The following CTSF variants were observed in gnomAD, a reference collection of about 807,000 sequenced individuals.
The protein encoded by CTSF is cathepsin F.
CTSF carries 65 observed loss-of-function variants against 63.5 expected under a neutral mutation model. The ratio of observed to expected loss-of-function variants is 1.02; its 90% CI spans 0.84 to 1.26. The LOEUF is 1.26. Ranked by LOEUF, CTSF falls within the 50% of genes most tolerant of loss-of-function variation. CTSF has a pLI of 0.00. For missense variants in CTSF, 641 were observed against 631.0 expected (o/e 1.02, Z -0.17); for synonymous variants, 256 against 258.1 (o/e 0.99, Z 0.08).
chr11:66,568,231 C>T (rs1157947734), intron 1 of CTSF, 43 bp downstream of exon 1: 4 of 1,521,990 alleles, frequency 2.6e-6, no homozygotes, highest in Non-Finnish European at 3.5e-6. Flanking sequence ...GCTCCTATCC[C>T]TTGGACCCGG....
intron 9 of CTSF, 38 bp from the exon 10 acceptor site, chr11:66,564,844 C>A (rs199885470): frequency 8.7e-5 from 140 of 1,614,098 alleles, no homozygotes; most frequent in Non-Finnish European, 1.4e-5. Flanking sequence ...GGCACCCAGG[C>A]CCCGGCCCCA....
At chr11:66,565,577 ACT>A in intron 8 of CTSF, 92 bp downstream of exon 8, 1 of 1,540,596 alleles carries the variant, frequency 6.5e-7, no homozygotes, top group South Asian at 1.1e-5. Flanking sequence ...GTTCTGTGTA[ACT>A]CTCATGCTCA....
chr11:66,566,497 G>C (rs552764173), intron 4 of CTSF, 93 bp from the exon 5 acceptor site: 15 of 1,178,214 alleles, frequency 1.3e-5, no homozygotes, highest in Admixed American at 4.0e-5. Flanking sequence ...TCCCCGGGGA[G>C]CAGGTAGGGG....
At position 66,563,579 on chromosome 11, in the gene CTSF, C is replaced by T. The variant is rs1857854637; in HGVS notation, c.*354G>A. ...GAACCAGAAAATTTATAGTATCAAA[C>T]AGAGGAAAGCGGGGGCAGAACAGAG... On this transcript the variant is annotated 3_prime_UTR_variant, in exon 13 of 13. Coordinates refer to ENST00000310325, the MANE Select transcript of CTSF (RefSeq NM_003793.4). 2 of 484,866 alleles carry T rather than the reference C, an allele frequency of 4.1e-6. No individual in the cohort carries two copies. Among genetic ancestry groups the T allele is most frequent in the Admixed American group, 3.4e-5 (1 of 29,674 alleles). The allele number at this position is 484,866 out of a possible 1,614,324, so 30.0% of individuals were successfully genotyped here.
rs1470665956 is a variant in CTSF, at chr11:66,563,939, C to G, written c.1449G>C (p.Val483=). 6.2e-7 allele frequency: 1 copy of G among 1,612,560 alleles called. No individual in the cohort carries two copies. Among genetic ancestry groups the G allele is most frequent in the Admixed American group, 1.7e-5 (1 of 59,998 alleles). The part of the protein sequence containing the change: ...GVNTMASSAV[V]D ...CCGAGCTGGGGGCCCCTCTTCAGTC[C>G]ACCACCGCCGAGCTGGCCATGGTGT... The change falls in exon 13 of 13, where the codon GTG becomes GTC. Residue 483 remains valine (V), a synonymous_variant. Coordinates refer to ENST00000310325, the MANE Select transcript of CTSF (RefSeq NM_003793.4).
At chr11:66,567,927 C>A in intron 2 of CTSF, 57 bp downstream of exon 2, 1 of 1,535,998 alleles carries the variant, frequency 6.5e-7, no homozygotes, top group Admixed American at 2.1e-5. Flanking sequence ...CCGTCATCAT[C>A]CAACTGCTGC....
chr11:66,564,216 C>A, intron 11 of CTSF, 70 bp from the exon 12 acceptor site: 2 of 1,535,142 alleles, frequency 1.3e-6, no homozygotes, highest in Non-Finnish European at 1.8e-6. Flanking sequence ...TCACTTTGCA[C>A]CCTTCAAATA....
chr11:66,564,078 C>A lies in CTSF; in HGVS notation c.1380+10G>T. ...GCTGGAGGGCCAGGGGCCAAGCCAG[C>A]AAGACTCACCTTCTCACCCCAGTCA... On this transcript the variant is annotated intron_variant, in intron 12 of 12. Transcript: ENST00000310325. 2 of 1,613,702 alleles carry A rather than the reference C, an allele frequency of 1.2e-6. No homozygotes were observed. The highest frequency in any genetic ancestry group is 8.5e-7 in the Non-Finnish European group (1 of 1,179,914).
intron 2 of CTSF, 129 bp downstream of exon 2, chr11:66,567,855 G>A: frequency 7.1e-7 from 1 of 1,400,302 alleles, no homozygotes; most frequent in Non-Finnish European, 9.6e-7. Flanking sequence ...CAGCCCTCGG[G>A]GCCTGGGAAG....
rs11550508 is a variant in CTSF, at chr11:66,567,517, T to C, written c.458A>G (p.Gln153Arg). 858 of 1,614,184 alleles carry C rather than the reference T, an allele frequency of 5.3e-4. 4 individuals carry two copies. In the African/African-American group the frequency reaches 0.011, roughly 20 times the overall value. ...QGSAMISSLS[Q>R]NHPDNRNETF... ...CTCGTTTCTGTTGTCTGGATGGTTTTGGGACAGAGAAGAAATCATGGCTGA... is the reference window on the plus strand; with the variant it reads ...CTCGTTTCTGTTGTCTGGATGGTTTCGGGACAGAGAAGAAATCATGGCTGA... Residue 153 changes from glutamine (Q) to arginine (R), a missense_variant, in exon 3 of 13, where the codon CAA becomes CGA. By Grantham distance (43) the Gln-to-Arg change is conservative. Transcript: ENST00000310325.
chr11:66,565,016 G>A lies in CTSF; in HGVS notation c.1046-10C>T, dbSNP rs774488937. The A allele has an allele frequency of 8.5e-5, 131 of 1,547,530 alleles. No homozygotes were observed. Among genetic ancestry groups the A allele is most frequent in the East Asian group, 4.1e-4 (18 of 44,176 alleles). ...TCTGTCTCCAGCCCTCCTGGGGAAC[G>A]GTGGGGGTGAGTAGAGAAGGGCAGG... On this transcript the variant is annotated splice_polypyrimidine_tract_variant and intron_variant, in intron 8 of 12. Transcript: ENST00000310325.
Position 66,566,092 on chromosome 11 carries a change from G to A in CTSF, c.797C>T (p.Ser266Phe). Residue 266 changes from serine to phenylalanine, a missense_variant, in exon 6 of 13, where the codon TCT becomes TTT. By Grantham distance (155) the Ser-to-Phe change is radical. Coordinates refer to ENST00000310325, the MANE Select transcript of CTSF (RefSeq NM_003793.4). ...TTCAGGTGGGGCGAGGTCACCCACA[G>A]ACTTGGCTTGCTTCATCTTGTTGCC... ...EPGNKMKQAK[S>F]VGDLAPPEWD... is the part of the protein sequence containing the mutation. 6.2e-7 allele frequency: 1 copy of A among 1,614,178 alleles called. No homozygotes were observed. The highest frequency in any genetic ancestry group is 2.2e-5 in the East Asian group (1 of 44,884).
In CTSF at chr11:66,565,837, C is replaced by G. The variant is rs755755081; in HGVS notation, c.958G>C (p.Glu320Gln). The G allele has an allele frequency of 6.2e-7, 1 of 1,613,972 alleles. No individual in the cohort carries two copies. Among genetic ancestry groups the G allele is most frequent in the South Asian group, 1.1e-5 (1 of 91,086 alleles). The change falls in exon 7 of 13, where the codon GAA becomes CAA. Residue 320 changes from glutamate to glutamine, a missense_variant. Transcript: ENST00000310325. Reference sequence around the variant, plus strand: ...AGTAGAGCGAGATGCTCACCCTGTTCAGAGAGGGAGAGCAGGGTCCCCTGG... The same window carrying G: ...AGTAGAGCGAGATGCTCACCCTGTTGAGAGAGGGAGAGCAGGGTCCCCTGG... The part of the protein sequence containing the change: ...LNQGTLLSLS[E>Q]QELLDCDKMD...
intron 8 of CTSF, 38 bp from the exon 9 acceptor site, chr11:66,565,044 C>T: frequency 6.6e-7 from 1 of 1,519,684 alleles, no homozygotes; most frequent in Non-Finnish European, 8.8e-7. Flanking sequence ...AGGGCAGGCT[C>T]CCATTTGCCA....
At position 66,567,286 on chromosome 11, in the gene CTSF, G is replaced by C. The variant is rs142743244; in HGVS notation, c.567C>G (p.Asn189Lys). ...ATGTCCGGTTATAGGTAATGACAAA[G>C]TTCTTGAAGATTGAAGCCATCTTCA... ...LPVKMASIFK[N>K]FVITYNRTYE... The change falls in exon 4 of 13, where the codon AAC (asparagine) becomes AAG (lysine). Residue 189 changes from asparagine to lysine, a missense_variant. By Grantham distance (94) the Asn-to-Lys change is moderately conservative. Transcript: ENST00000310325. 1 of 1,614,204 alleles carries C rather than the reference G, an allele frequency of 6.2e-7. No individual in the cohort carries two copies. The highest frequency in any genetic ancestry group is 1.1e-5 in the South Asian group (1 of 91,090).
In CTSF at chr11:66,566,406, T is replaced by A; in HGVS notation, c.608-2A>T. The A allele has an allele frequency of 6.2e-7, 1 of 1,613,754 alleles. No homozygotes were observed. The highest frequency in any genetic ancestry group is 8.5e-7 in the Non-Finnish European group (1 of 1,179,922). On this transcript the variant is annotated splice_acceptor_variant, in intron 4 of 12. Coordinates refer to ENST00000310325, the MANE Select transcript of CTSF (RefSeq NM_003793.4). LOFTEE classifies it high-confidence loss of function. Reference sequence around the variant, plus strand: ...AGACGGACAGGCGCCACCGGGCTTCTGAGGACCAAGGAGCAGAAGAGGAGG... The same window carrying A: ...AGACGGACAGGCGCCACCGGGCTTCAGAGGACCAAGGAGCAGAAGAGGAGG...
At position 66,564,877 on chromosome 11, in the gene CTSF, CCT is replaced by C. The variant is rs775310814; in HGVS notation, c.1165+8_1165+9del. 26 of 1,613,430 alleles carry C rather than the reference CCT, an allele frequency of 1.6e-5. No individual in the cohort carries two copies. Among genetic ancestry groups the C allele is most frequent in the Non-Finnish European group, 2.1e-5 (25 of 1,179,540 alleles). ...CCACCTGACCTCACCTCACCCTGCC[CCT>C]CACTCACTCTGCTCGTTCTGGCTCA... On this transcript the variant is annotated splice_region_variant and intron_variant, in intron 9 of 12. Coordinates refer to ENST00000310325, the MANE Select transcript of CTSF (RefSeq NM_003793.4).
intron 4 of CTSF, among the ~76,000 whole-genome samples, chr11:66,566,798 A>G (rs1857941873): frequency 1.3e-5 from 2 of 151,100 alleles, no homozygotes; most frequent in South Asian, 4.2e-4. Flanking sequence ...ATCTTTGCTC[A>G]CTGCAACCTC....
Position 66,568,382 on chromosome 11 carries a change from C to A in CTSF, c.105G>T (p.Pro35=), listed in dbSNP as rs1044732160. 1 of 1,306,772 alleles carries A rather than the reference C, an allele frequency of 7.7e-7. No individual in the cohort carries two copies. Among genetic ancestry groups the A allele is most frequent in the African/African-American group, 1.5e-5 (1 of 64,654 alleles). The allele number at this position is 1,306,772 out of a possible 1,614,324, so 80.9% of individuals were successfully genotyped here. A position where few individuals can be genotyped will look rare whatever the true frequency, so the allele number is the denominator to read the frequency against. Residue 35 remains proline, a synonymous_variant, in exon 1 of 13, where the codon CCG becomes CCT. Coordinates refer to ENST00000310325, the MANE Select transcript of CTSF (RefSeq NM_003793.4). ...RAASFQAWGP[P]SPELLAPTRF... ...GGGTGGGCGCCAGCAGCTCCGGGGACGGCGGCCCCCAGGCCTGAAAGCTGG... is the reference window on the plus strand; with the variant it reads ...GGGTGGGCGCCAGCAGCTCCGGGGAAGGCGGCCCCCAGGCCTGAAAGCTGG...
Sources: gnomAD v4.1 joint callset for allele counts (sites outside exome capture counted in the v4.1 genomes callset) on GRCh38, gnomAD v4.1.1 for gene constraint, MANE v1.5 for transcripts, NCBI Gene and HGNC (gene_info 2026-07-23, HGNC 2026-07-21) for gene names.